Variants in NUP98 observed in about 807,000 individuals in gnomAD.
NUP98 encodes nuclear pore complex protein Nup98-Nup96.
NUP98 carries 26 observed loss-of-function variants against 191.9 expected under a neutral mutation model. The ratio of observed to expected loss-of-function variants is 0.14; its 90% confidence interval spans 0.10 to 0.19. The LOEUF is 0.19. Among genes scored for constraint, NUP98 ranks in the 10% least tolerant of loss-of-function variants. NUP98 has a pLI of 1.00. For missense variants in NUP98, 1,941 were observed against 2,178.8 expected, an observed-to-expected ratio of 0.89 and a Z score of 2.17; for synonymous variants, 808 against 778.4, an observed-to-expected ratio of 1.04 and a Z score of -0.63.
In NUP98 at chr11:3,738,234, T is replaced by TC. The variant is rs370063879; in HGVS notation, c.1409-2911_1409-2910insG. 3.8e-3 allele frequency among the ~76,000 whole-genome samples: 574 copies of TC among 152,252 alleles called. 1 individual carries two copies. Among genetic ancestry groups the TC allele is most frequent in the African/African-American group, 0.013 (549 of 41,548 alleles). The stretch of plus-strand genomic sequence containing the variant: ...AGACACAGGTAAGAGAGTATCTTGA[T>TC]AGATTAGCAAAAACAAGAAAACAAA... On this transcript the variant is annotated intron_variant, in intron 12 of 32. Coordinates refer to ENST00000324932, the MANE Select transcript of NUP98 (RefSeq NM_016320.5).
At chr11:3,761,704 G>C (rs555170421) in intron 9 of NUP98, among the ~76,000 whole-genome samples, 3 of 152,284 alleles carry the variant, frequency 2.0e-5, no homozygotes, top group Admixed American at 1.3e-4. Context: ...GTTGCAGTGA[G>C]CCGAGATCGC....
intron 10 of NUP98, among the ~76,000 whole-genome samples, chr11:3,755,243 G>A (rs2080917441): frequency 6.6e-6 from 1 of 150,532 alleles, no homozygotes; most frequent in African/African-American, 2.4e-5. Context: ...ATCACTTGAG[G>A]AAAGGAGTTT....
chr11:3,797,397 T>C lies in NUP98; in HGVS notation c.-29+3A>G. On this transcript the variant is annotated splice_donor_region_variant and intron_variant, in intron 1 of 32. Coordinates refer to ENST00000324932, the MANE Select transcript of NUP98 (RefSeq NM_016320.5). Reference sequence around the variant, plus strand: ...GCCGCTGCAGCTCGGGCTCCCGACTTACCGCGGTTCGGTGGGGAAGGGGAA... The same window carrying C: ...GCCGCTGCAGCTCGGGCTCCCGACTCACCGCGGTTCGGTGGGGAAGGGGAA... 2.5e-6 allele frequency: 1 copy of C among 402,938 alleles called. No individual in the cohort carries two copies. The highest frequency in any genetic ancestry group is 3.6e-5 in the East Asian group (1 of 28,040). The allele number at this position is 402,938 out of a possible 1,614,324, so 25.0% of individuals were successfully genotyped here. A position where few individuals can be genotyped will look rare whatever the true frequency, so the allele number is the denominator to read the frequency against.
In NUP98 at chr11:3,712,497, C is replaced by T; in HGVS notation, c.2742+67G>A. 5 of 1,600,186 alleles carry T rather than the reference C, an allele frequency of 3.1e-6. No homozygotes were observed. In the South Asian group the frequency reaches 5.6e-5, roughly 18 times the overall value. The stretch of plus-strand genomic sequence containing the variant: ...GGGTCATAAAACAGCTTTGTATTAG[C>T]TGAATGACTTGCTTTCAACTTCGGT... On this transcript the variant is annotated intron_variant, in intron 20 of 32. Transcript: ENST00000324932.
At chr11:3,703,960 T>C (rs777064414) in intron 22 of NUP98, among the ~76,000 whole-genome samples, 1 of 152,190 alleles carries the variant, frequency 6.6e-6, no homozygotes, top group Non-Finnish European at 1.5e-5. Context: ...AGTGCTATGA[T>C]TATAGGCATG....
chr11:3,770,684 T>C (rs2081500649), intron 7 of NUP98, among the ~76,000 whole-genome samples: 1 of 152,098 alleles, frequency 6.6e-6, no homozygotes, highest in Non-Finnish European at 1.5e-5. Flanking sequence ...CCTCTGGTTA[T>C]TTAGTTTTCT....
chr11:3,773,653 T>G lies in NUP98; in HGVS notation c.582A>C (p.Glu194Asp). Residue 194 changes from glutamate (E) to aspartate (D), a missense_variant, in exon 6 of 33, where the codon GAA becomes GAC. Coordinates refer to ENST00000324932, the MANE Select transcript of NUP98 (RefSeq NM_016320.5). ...TGACCTCTAGTGACTTGCTTTCATA[T>G]TCTTTCATAGCAGTAATACACTGGT... ...TKHQCITAMK[E>D]YESKSLEELR... is the part of the protein sequence containing the mutation. 6.2e-7 allele frequency: 1 copy of G among 1,608,418 alleles called. No homozygotes were observed. Among genetic ancestry groups the G allele is most frequent in the South Asian group, 1.1e-5 (1 of 90,588 alleles).
chr11:3,712,633 A>G lies in NUP98; in HGVS notation c.2673T>C (p.Pro891=). Residue 891 remains proline (P), a synonymous_variant, in exon 20 of 33, where the codon CCT becomes CCC. Transcript: ENST00000324932. The part of the protein sequence containing the change: ...KTSTKKLKTA[P]LPPASQTTPL... ...GCGTAGTCTGGCTTGCAGGAGGCAA[A>G]GGAGCAGTCTTCAACTTCTTTGTAC... 1 of 1,613,932 alleles carries G rather than the reference A, an allele frequency of 6.2e-7. No homozygotes were observed. The highest frequency in any genetic ancestry group is 8.5e-7 in the Non-Finnish European group (1 of 1,180,004).
chr11:3,778,199 A>AC (rs1491503313), intron 4 of NUP98, among the ~76,000 whole-genome samples: 1 of 70,916 alleles, frequency 1.4e-5, no homozygotes, highest in African/African-American at 7.9e-5. Flanking sequence ...ACTCCATCTC[A>AC]AAAAAAAAAA....
rs1217209677 is a variant in NUP98 at position 3,691,222 on chromosome 11, T to C, written c.4454+125A>G. Reference sequence around the variant, plus strand: ...CTCTTTCCATTCAACTACTTTAAGTTATATTTGGTAGTTTATATGGACTTA... The same window carrying C: ...CTCTTTCCATTCAACTACTTTAAGTCATATTTGGTAGTTTATATGGACTTA... On this transcript the variant is annotated intron_variant, in intron 28 of 32. Transcript: ENST00000324932. 4.2e-6 allele frequency: 4 copies of C among 947,984 alleles called. No individual in the cohort carries two copies. In the African/African-American group the frequency reaches 6.6e-5, roughly 16 times the overall value. The allele number at this position is 947,984 out of a possible 1,614,324, so 58.7% of individuals were successfully genotyped here.
At chr11:3,739,902 A>G (rs1261192736) in intron 12 of NUP98, among the ~76,000 whole-genome samples, 3 of 152,124 alleles carry the variant, frequency 2.0e-5, no homozygotes, top group Non-Finnish European at 4.4e-5. Flanking sequence ...AGCAAGACCA[A>G]CACCTTCCTC....
Position 3,753,740 on chromosome 11 carries a change from G to A in NUP98, c.1175-332C>T, listed in dbSNP as rs570527853. Among the ~76,000 whole-genome samples the A allele has an allele frequency of 2.2e-4, 19 of 87,458 alleles. No homozygotes were observed. In the Admixed American group the frequency reaches 2.5e-3, roughly 12 times the overall value. The allele number at this position is 87,458 out of a possible 152,430, so 57.4% of individuals were successfully genotyped here. A position where few individuals can be genotyped will look rare whatever the true frequency, so the allele number is the denominator to read the frequency against. On this transcript the variant is annotated intron_variant, in intron 10 of 32. Coordinates refer to ENST00000324932, the MANE Select transcript of NUP98 (RefSeq NM_016320.5). ...AGCCTGGCCAAGATGGTGAAACCCC[G>A]TCTCTATAAAAATACAAAAAAAAAA...
At chr11:3,705,118 C>T in intron 22 of NUP98, 82 bp downstream of exon 22, 2 of 1,367,366 alleles carry the variant, frequency 1.5e-6, no homozygotes, top group Non-Finnish European at 1.0e-6. Flanking sequence ...GAGAAGTCCA[C>T]TTGGGTTAGA....
chr11:3,739,130 G>A (rs2080183980), intron 12 of NUP98, among the ~76,000 whole-genome samples: 1 of 151,652 alleles, frequency 6.6e-6, no homozygotes, highest in East Asian at 1.9e-4. Flanking sequence ...AGGAACTTTG[G>A]AAAAAGAGAT....
rs185535397 is a variant in NUP98 at position 3,788,601 on chromosome 11, A to G, written c.-28-6456T>C. Among the ~76,000 whole-genome samples, 440 of 152,144 alleles carry G rather than the reference A, an allele frequency of 2.9e-3. 4 individuals carry two copies. The highest frequency in any genetic ancestry group is 9.6e-3 in the African/African-American group (397 of 41,508). On this transcript the variant is annotated intron_variant, in intron 1 of 32. Coordinates refer to ENST00000324932, the MANE Select transcript of NUP98 (RefSeq NM_016320.5). ...AGTGAAATTCTGTCTCCAAAAATAA[A>G]TAAATAAATAAATTTCTAAAAGTGA...
At chr11:3,782,831 T>A (rs981081268) in intron 1 of NUP98, among the ~76,000 whole-genome samples, 48 of 152,244 alleles carry the variant, frequency 3.2e-4, no homozygotes, top group African/African-American at 1.1e-3. Context: ...GTGCTGGGAT[T>A]ACAGGCGCAA....
At position 3,693,355 on chromosome 11, in the gene NUP98, CT is replaced by C. The variant is rs1454407347; in HGVS notation, c.4187del (p.Lys1396ArgfsTer4). ...AGKPVWQLSE[K>X]KQINVCSQLD... is the part of the protein sequence containing the mutation. ...ACTGGGAGCACACGTTTATTTGCTT[CT>C]TTTCTGAGAGCTGCCACACCTGTGC... On this transcript the variant is annotated frameshift_variant, in exon 27 of 33. Coordinates refer to ENST00000324932, the MANE Select transcript of NUP98 (RefSeq NM_016320.5). LOFTEE classifies it high-confidence loss of function. 6.2e-7 allele frequency: 1 copy of C among 1,614,018 alleles called. No homozygotes were observed. The highest frequency in any genetic ancestry group is 8.5e-7 in the Non-Finnish European group (1 of 1,180,014).
intron 28 of NUP98, among the ~76,000 whole-genome samples, chr11:3,690,317 T>G (rs1448366637): frequency 6.6e-6 from 1 of 150,892 alleles, no homozygotes; most frequent in African/African-American, 2.4e-5. Flanking sequence ...TGGAGTGCAG[T>G]GGCATGATCT....
At chr11:3,721,535 C>G (rs2079400540) in intron 16 of NUP98, among the ~76,000 whole-genome samples, 1 of 151,862 alleles carries the variant, frequency 6.6e-6, no homozygotes, top group East Asian at 1.9e-4. Flanking sequence ...CCATTATCTA[C>G]CAAAAATACA....
Sources: gnomAD v4.1 joint callset for allele counts (sites outside exome capture counted in the v4.1 genomes callset) on GRCh38, gnomAD v4.1.1 for gene constraint, MANE v1.5 for transcripts, NCBI Gene and HGNC (gene_info 2026-07-23, HGNC 2026-07-21) for gene names.